CDKAL1: variants seen among roughly 807,000 people sequenced by gnomAD.
CDKAL1 encodes the protein CDKAL1 threonylcarbamoyladenosine tRNA methylthiotransferase.
CDKAL1 carries 32 observed loss-of-function variants against 68.2 expected under a neutral mutation model. The observed-to-expected ratio is 0.47, with a 90% CI of 0.35 to 0.63. The LOEUF (loss-of-function observed/expected upper bound fraction) is 0.63. Ranked by LOEUF, CDKAL1 falls within the 30% of genes least tolerant of loss-of-function variation. The probability of loss-of-function intolerance (pLI) is 0.00; values close to 1 mark genes in which losing one functional copy is unlikely to be tolerated. For missense variants in CDKAL1, 606 were observed against 696.7 expected, an observed-to-expected ratio of 0.87 and a Z score of 1.47; for synonymous variants, 234 against 244.3, an observed-to-expected ratio of 0.96 and a Z score of 0.39.
At chr6:20,586,978 G>GTTTTTTTTTTTTT (rs750210435) in intron 4 of CDKAL1, among the ~76,000 whole-genome samples, 2 of 44,450 alleles carry the variant, frequency 4.5e-5, no homozygotes, top group African/African-American at 9.5e-5. Flanking sequence ...TCCTCCAGGT[G>GTTTTTTTTTTTTT]TTTTTTTTTT....
At chr6:20,825,210 A>G (rs1777453711) in intron 8 of CDKAL1, among the ~76,000 whole-genome samples, 1 of 151,552 alleles carries the variant, frequency 6.6e-6, no homozygotes, top group African/African-American at 2.4e-5. Flanking sequence ...CCTTTGGATC[A>G]TTTTCTATTT....
intron 11 of CDKAL1, among the ~76,000 whole-genome samples, chr6:21,052,030 A>C (rs555489430): frequency 1.3e-5 from 2 of 152,176 alleles, no homozygotes; most frequent in Non-Finnish European, 2.9e-5. Flanking sequence ...TGTCTTAGTC[A>C]CTCATTATGG....
At chr6:20,790,294 A>G (rs2150389304) in intron 8 of CDKAL1, among the ~76,000 whole-genome samples, 1 of 152,304 alleles carries the variant, frequency 6.6e-6, no homozygotes, top group Middle Eastern at 3.4e-3. Flanking sequence ...AGTAATATTT[A>G]GGCTGTGTCT....
At chr6:20,859,295 T>G (rs1759491887) in intron 9 of CDKAL1, among the ~76,000 whole-genome samples, 1 of 147,364 alleles carries the variant, frequency 6.8e-6, no homozygotes, top group African/African-American at 2.5e-5. Context: ...ATAAAAAACT[T>G]AAAAAAAAAA....
At chr6:21,011,868 G>A (rs923466719) in intron 11 of CDKAL1, among the ~76,000 whole-genome samples, 3 of 151,958 alleles carry the variant, frequency 2.0e-5, no homozygotes, top group Non-Finnish European at 2.9e-5. Flanking sequence ...ACATGCACAC[G>A]TTTGCATGCA....
intron 9 of CDKAL1, among the ~76,000 whole-genome samples, chr6:20,954,107 A>G (rs986285462): frequency 6.6e-6 from 1 of 152,146 alleles, no homozygotes; most frequent in African/African-American, 2.4e-5. Context: ...AAATGTTTTC[A>G]TATGGTTTAG....
chr6:20,951,957 CTTTTTTTTTTTT>C (rs10558500), intron 9 of CDKAL1, among the ~76,000 whole-genome samples: 3 of 91,818 alleles, frequency 3.3e-5, no homozygotes, highest in African/African-American at 1.2e-4. Flanking sequence ...TTTTCATTTT[CTTTTTTTTTTTT>C]TTTTTTTGAG....
At chr6:20,611,951 A>G (rs993234602) in intron 4 of CDKAL1, among the ~76,000 whole-genome samples, 2 of 152,046 alleles carry the variant, frequency 1.3e-5, no homozygotes, top group African/African-American at 2.4e-5. Context: ...TCTATTCTCT[A>G]CCTCCATGAG....
intron 12 of CDKAL1, among the ~76,000 whole-genome samples, chr6:21,071,210 C>T (rs536303551): frequency 2.0e-5 from 3 of 152,266 alleles, no homozygotes; most frequent in African/African-American, 4.8e-5. Context: ...GTAATCCCCA[C>T]GTGTCAGGGG....
At chr6:20,644,627 C>T (rs956016492) in intron 4 of CDKAL1, among the ~76,000 whole-genome samples, 9 of 152,260 alleles carry the variant, frequency 5.9e-5, no homozygotes, top group Middle Eastern at 3.4e-3. Flanking sequence ...TTGCAGTGAG[C>T]CGAGATCTCT....
intron 10 of CDKAL1, among the ~76,000 whole-genome samples, chr6:20,992,396 T>C (rs986435167): frequency 6.6e-6 from 1 of 151,994 alleles, no homozygotes; most frequent in Non-Finnish European, 1.5e-5. Context: ...GTCTCTGTTA[T>C]AATTTTTCTA....
chr6:20,819,027 A>C (rs12190831), intron 8 of CDKAL1, among the ~76,000 whole-genome samples: 15,697 of 152,106 alleles, frequency 0.1, 876 homozygotes, highest in South Asian at 0.13. Flanking sequence ...ATTTTGTTGA[A>C]CTAGAGTTAT....
At chr6:21,228,105 A>G (rs905797886) in intron 15 of CDKAL1, among the ~76,000 whole-genome samples, 4 of 152,186 alleles carry the variant, frequency 2.6e-5, no homozygotes, top group Admixed American at 1.3e-4. Context: ...TGAACTGGGG[A>G]TAGGGAAAAG....
At chr6:20,756,129 TC>T (rs1312967831) in intron 6 of CDKAL1, 1 of 152,198 alleles carries the variant, frequency 6.6e-6, no homozygotes, top group Non-Finnish European at 1.5e-5. Flanking sequence ...TCGGTCTACT[TC>T]CTGAAGATCA....
intron 10 of CDKAL1, among the ~76,000 whole-genome samples, chr6:20,983,456 C>A (rs888645662): frequency 1.3e-5 from 2 of 152,198 alleles, no homozygotes; most frequent in Admixed American, 6.5e-5. Flanking sequence ...TGCAGTGGCT[C>A]ACGCCTGTGG....
At chr6:20,624,933 T>C (rs182974867) in intron 4 of CDKAL1, among the ~76,000 whole-genome samples, 12 of 152,190 alleles carry the variant, frequency 7.9e-5, no homozygotes, top group Admixed American at 2.6e-4. Context: ...CTTTTATGCT[T>C]TTTGGCACAG....
intron 13 of CDKAL1, among the ~76,000 whole-genome samples, chr6:21,171,490 G>A (rs1053802394): frequency 4.6e-5 from 7 of 152,130 alleles, no homozygotes; most frequent in African/African-American, 1.4e-4. Flanking sequence ...GGGATTACAG[G>A]CTGAGCCACC....
chr6:20,823,278 T>G (rs939260551), intron 8 of CDKAL1, among the ~76,000 whole-genome samples: 2 of 152,196 alleles, frequency 1.3e-5, no homozygotes, highest in East Asian at 3.9e-4. Flanking sequence ...GCCATTCATA[T>G]GGTCCTTGTC....
At position 20,546,485 on chromosome 6, in the gene CDKAL1, A is replaced by C. The variant is rs780964660; in HGVS notation, c.135A>C (p.Lys45Asn). The change falls in exon 3 of 16, where the codon AAA (lysine) becomes AAC (asparagine). Residue 45 changes from lysine (K) to asparagine (N), a missense_variant. Lys to Asn is a moderately conservative substitution (Grantham distance 94). Transcript: ENST00000274695. Reference sequence around the variant, plus strand: ...AGGTACGAAGGCGAAATACCCAAAAATATTTGCAAGAGGAAGAAAACAGTC... The same window carrying C: ...AGGTACGAAGGCGAAATACCCAAAACTATTTGCAAGAGGAAGAAAACAGTC... ...VPKVRRRNTQ[K>N]YLQEEENSPP... The C allele has an allele frequency of 6.2e-7, 1 of 1,614,142 alleles. No homozygotes were observed. The highest frequency in any genetic ancestry group is 1.7e-5 in the Admixed American group (1 of 60,000).
Sources: gnomAD v4.1 joint callset for allele counts (sites outside exome capture counted in the v4.1 genomes callset) on GRCh38, gnomAD v4.1.1 for gene constraint, MANE v1.5 for transcripts, NCBI Gene and HGNC (gene_info 2026-07-23, HGNC 2026-07-21) for gene names.